TMEM14B: variants seen among roughly 807,000 people sequenced by gnomAD.
TMEM14B encodes transmembrane protein 14B.
In TMEM14B, 9 loss-of-function variants were observed where a neutral mutation model predicts 14.8. That is an observed-to-expected ratio of 0.61 (90% CI 0.37 to 1.06). TMEM14B has a LOEUF of 1.06. Ranked by LOEUF, TMEM14B falls within the 50% of genes least tolerant of loss-of-function variation. The pLI is 0.01. For missense variants in TMEM14B, 128 were observed against 143.6 expected, an observed-to-expected ratio of 0.89 and a Z score of 0.56; for synonymous variants, 40 against 51.3, an observed-to-expected ratio of 0.78 and a Z score of 0.94.
chr6:10,758,463 C>G (rs1581618117), downstream of TMEM14B, among the ~76,000 whole-genome samples: 1 of 152,204 alleles, frequency 6.6e-6, no homozygotes, highest in South Asian at 2.1e-4. Flanking sequence ...CTTCATAGCC[C>G]TTGCCAAGTG....
intron 4 of TMEM14B, among the ~76,000 whole-genome samples, chr6:10,753,569 C>A (rs1771674812): frequency 6.6e-6 from 1 of 151,858 alleles, no homozygotes; most frequent in African/African-American, 2.4e-5. Flanking sequence ...AAGCCTATGC[C>A]TTTAATTTCC....
chr6:10,757,475 G>A (rs1314747921), downstream of TMEM14B, among the ~76,000 whole-genome samples: 1 of 151,834 alleles, frequency 6.6e-6, no homozygotes, highest in African/African-American at 2.4e-5. Context: ...TTAGGACTGT[G>A]TAGCAAAAAA....
Position 10,755,629 on chromosome 6 carries a change from A to G in TMEM14B, c.293+397A>G, listed in dbSNP as rs540484618. On this transcript the variant is annotated intron_variant, in intron 5 of 5. Transcript: ENST00000379542. ...TGAATCCTGTTTTCTAATTTTGATT[A>G]TAATACCTAAACCAAATTGTGGTTT... is the stretch of plus-strand genomic sequence containing the variant. The G allele has an allele frequency of 4.1e-5, 49 of 1,200,612 alleles. No individual in the cohort carries two copies. The South Asian group carries it at 1.3e-3, about 33-fold the overall frequency. 74.4% of individuals were successfully genotyped at this position (1,200,612 alleles called of 1,614,324 possible). A position where few individuals can be genotyped will look rare whatever the true frequency, so the allele number is the denominator to read the frequency against.
chr6:10,759,095 T>C (rs1436515926), downstream of TMEM14B: 1 of 164,390 alleles, frequency 6.1e-6, no homozygotes, highest in Non-Finnish European at 1.3e-5. Flanking sequence ...ATTTTTTGTA[T>C]TTTTAGTAGA....
At chr6:10,754,300 A>T (rs1771716736) in intron 4 of TMEM14B, among the ~76,000 whole-genome samples, 1 of 152,144 alleles carries the variant, frequency 6.6e-6, no homozygotes, top group African/African-American at 2.4e-5. Context: ...TGCTCTTATG[A>T]TGAAAACCCA....
intron 1 of TMEM14B, among the ~76,000 whole-genome samples, chr6:10,748,277 G>A (rs191935889): frequency 3.3e-5 from 5 of 152,096 alleles, no homozygotes; most frequent in Admixed American, 3.3e-4. Flanking sequence ...AGGGGTTCTC[G>A]CTGTGTCGCC....
In TMEM14B at chr6:10,756,747, T is replaced by A. The variant is rs1256257504; in HGVS notation, c.*229T>A. The A allele has an allele frequency of 8.5e-7, 1 of 1,174,146 alleles. No homozygotes were observed. 72.7% of individuals were successfully genotyped at this position (1,174,146 alleles called of 1,614,324 possible). On this transcript the variant is annotated 3_prime_UTR_variant, in exon 6 of 6. Coordinates refer to ENST00000379542, the MANE Select transcript of TMEM14B (RefSeq NM_030969.5). ...TTATTGAGACCATCATAGAGATCGA[T>A]TCTTGTATATTGATTTTATCTCTTT...
chr6:10,755,687 G>A, intron 5 of TMEM14B: 5 of 1,053,698 alleles, frequency 4.7e-6, no homozygotes, highest in Non-Finnish European at 5.7e-6. Context: ...AGGCACGGTG[G>A]CTCACACCTG....
At chr6:10,759,674 T>C (rs1771915375), downstream of TMEM14B, 1 of 152,224 alleles carries the variant, frequency 6.6e-6, no homozygotes, top group African/African-American at 2.4e-5. Flanking sequence ...AGGCCATCTG[T>C]GTCCCAGCTG....
chr6:10,751,323 T>A, intron 4 of TMEM14B, 89 bp downstream of exon 4: 1 of 1,423,290 alleles, frequency 7.0e-7, no homozygotes, highest in Non-Finnish European at 9.7e-7. Context: ...TGGAGCGAGT[T>A]CTTCCCACTT....
chr6:10,749,400 TG>T (rs1372928383), intron 2 of TMEM14B, 132 bp downstream of exon 2: 5 of 1,268,074 alleles, frequency 3.9e-6, no homozygotes, highest in Non-Finnish European at 5.7e-6. Context: ...ACTGGACCTG[TG>T]GGCCAGAAAC....
intron 5 of TMEM14B, 54 bp from the exon 6 acceptor site, chr6:10,756,413 A>G (rs1771802068): frequency 6.3e-7 from 1 of 1,596,910 alleles, no homozygotes; most frequent in Non-Finnish European, 8.6e-7. Context: ...TTAAAAACAT[A>G]GTTGCCTGTT....
chr6:10,755,690 C>T lies in TMEM14B; in HGVS notation c.293+458C>T, dbSNP rs935155716. On this transcript the variant is annotated intron_variant, in intron 5 of 5. Coordinates refer to ENST00000379542, the MANE Select transcript of TMEM14B (RefSeq NM_030969.5). ...TAGTTGTAGGCCAGGCACGGTGGCTCACACCTGTAATCCAAGCACAGTGGG... is the reference window on the plus strand; with the variant it reads ...TAGTTGTAGGCCAGGCACGGTGGCTTACACCTGTAATCCAAGCACAGTGGG... 13 of 1,052,292 alleles carry T rather than the reference C, an allele frequency of 1.2e-5. No homozygotes were observed. In the African/African-American group the frequency reaches 2.0e-4, roughly 16 times the overall value. 65.2% of individuals were successfully genotyped at this position (1,052,292 alleles called of 1,614,324 possible). A position where few individuals can be genotyped will look rare whatever the true frequency, so the allele number is the denominator to read the frequency against.
chr6:10,759,396 A>T (rs894312099), downstream of TMEM14B: 24 of 152,216 alleles, frequency 1.6e-4, no homozygotes, highest in Admixed American at 4.6e-4. Flanking sequence ...GGCCTTTGAT[A>T]TTACAAAGGA....
chr6:10,757,352 G>A (rs181806466), downstream of TMEM14B, among the ~76,000 whole-genome samples: 1 of 152,110 alleles, frequency 6.6e-6, no homozygotes, highest in Admixed American at 6.6e-5. Flanking sequence ...GTAGAGATGG[G>A]GTCTTGCTCT....
At chr6:10,755,543 C>T (rs1004605573) in intron 5 of TMEM14B, 1 of 1,341,132 alleles carries the variant, frequency 7.5e-7, no homozygotes, top group Non-Finnish European at 9.5e-7. Flanking sequence ...TGTGGGGGTC[C>T]CATATTTCTT....
intron 3 of TMEM14B, among the ~76,000 whole-genome samples, chr6:10,750,398 A>G (rs917804533): frequency 8.0e-6 from 1 of 125,078 alleles, no homozygotes; most frequent in African/African-American, 3.1e-5. Context: ...GCCTTGAAGA[A>G]GGGGCTAGAT....
intron 4 of TMEM14B, among the ~76,000 whole-genome samples, chr6:10,752,499 C>T (rs1459607205): frequency 6.8e-6 from 1 of 148,100 alleles, no homozygotes; most frequent in Non-Finnish European, 1.5e-5. Context: ...CTGTGTTGCC[C>T]AGGCTAGAGT....
At chr6:10,750,462 A>T (rs1353263550) in intron 3 of TMEM14B, among the ~76,000 whole-genome samples, 1 of 151,374 alleles carries the variant, frequency 6.6e-6, no homozygotes, top group African/African-American at 2.4e-5. Flanking sequence ...AGTTAAAACA[A>T]TTTTACTGAA....
Sources: gnomAD v4.1 joint callset for allele counts (sites outside exome capture counted in the v4.1 genomes callset) on GRCh38, gnomAD v4.1.1 for gene constraint, MANE v1.5 for transcripts, NCBI Gene and HGNC (gene_info 2026-07-23, HGNC 2026-07-21) for gene names.